FBXO10: variants seen among roughly 807,000 people sequenced by gnomAD.
FBXO10 encodes F-box protein 10.
A neutral mutation model predicts 80.7 loss-of-function variants in FBXO10; 39 were observed. That is an observed-to-expected ratio of 0.48 (90% CI 0.37 to 0.63). The LOEUF is 0.63. Ranked by LOEUF, FBXO10 falls within the 30% of genes least tolerant of loss-of-function variation. The pLI is 0.00. For synonymous variants in FBXO10, 449 were observed against 489.6 expected (o/e 0.92, Z 1.09); for missense variants, 1,025 against 1,269.0 (o/e 0.81, Z 2.92).
chr9:37,568,684 C>T (rs1822670756), intron 1 of FBXO10, among the ~76,000 whole-genome samples: 1 of 152,046 alleles, frequency 6.6e-6, no homozygotes, highest in Non-Finnish European at 1.5e-5. Flanking sequence ...GGTCTAAGGT[C>T]GGAGTTCACG....
At chr9:37,544,991 C>CAA (rs59952580) in intron 1 of FBXO10, among the ~76,000 whole-genome samples, 7,519 of 69,326 alleles carry the variant, frequency 0.11, 372 homozygotes, top group Non-Finnish European at 0.13. Flanking sequence ...GAGACTCTCT[C>CAA]AAAAAAAAAA....
intron 1 of FBXO10, among the ~76,000 whole-genome samples, chr9:37,564,796 G>A (rs1472013361): frequency 6.6e-6 from 1 of 152,192 alleles, no homozygotes; most frequent in Non-Finnish European, 1.5e-5. Context: ...AGGCTCATAG[G>A]CAGAAGGGAC....
chr9:37,553,774 G>T (rs1279713677), intron 1 of FBXO10, among the ~76,000 whole-genome samples: 1 of 151,178 alleles, frequency 6.6e-6, no homozygotes, highest in Non-Finnish European at 1.5e-5. Flanking sequence ...AATTAGCCAG[G>T]CGTGGTGGCA....
chr9:37,537,043 G>T, intron 3 of FBXO10, 67 bp downstream of exon 3: 1 of 1,185,158 alleles, frequency 8.4e-7, no homozygotes, highest in Non-Finnish European at 1.2e-6. Flanking sequence ...ATGCAAAATA[G>T]CCCCATCAAA....
chr9:37,561,173 CTTTT>C (rs78284002), intron 1 of FBXO10, among the ~76,000 whole-genome samples: 3 of 129,812 alleles, frequency 2.3e-5, no homozygotes, highest in East Asian at 2.1e-4. Context: ...ACAAAATCAA[CTTTT>C]TTTTTTTTTT....
At chr9:37,548,755 T>A (rs1481964032) in intron 1 of FBXO10, among the ~76,000 whole-genome samples, 1 of 152,156 alleles carries the variant, frequency 6.6e-6, no homozygotes, top group Non-Finnish European at 1.5e-5. Flanking sequence ...CAGATCCTTT[T>A]TTTTTTCTTT....
intron 1 of FBXO10, among the ~76,000 whole-genome samples, chr9:37,558,905 G>C (rs571587652): frequency 1.3e-4 from 19 of 151,992 alleles, no homozygotes; most frequent in African/African-American, 4.1e-4. Context: ...CCACCTCCCA[G>C]GTTTAACTGA....
At chr9:37,545,013 G>C (rs1224883085) in intron 1 of FBXO10, among the ~76,000 whole-genome samples, 1 of 115,038 alleles carries the variant, frequency 8.7e-6, no homozygotes, top group Non-Finnish European at 1.7e-5. Flanking sequence ...AAAAAAAAAA[G>C]AGAGAGAAAA....
At chr9:37,550,010 T>C (rs1822151088) in intron 1 of FBXO10, among the ~76,000 whole-genome samples, 2 of 152,076 alleles carry the variant, frequency 1.3e-5, no homozygotes, top group Admixed American at 1.3e-4. Context: ...CCAAGCCCAA[T>C]CAAAACTCAT....
chr9:37,514,474 A>AT (rs1236720547), intron 10 of FBXO10, among the ~76,000 whole-genome samples: 3 of 152,098 alleles, frequency 2.0e-5, no homozygotes, highest in Non-Finnish European at 2.9e-5. Flanking sequence ...ATACTTTAAA[A>AT]TTTTCTATTT....
intron 1 of FBXO10, among the ~76,000 whole-genome samples, chr9:37,575,812 C>A (rs1448351340): frequency 2.6e-5 from 4 of 152,282 alleles, no homozygotes; most frequent in African/African-American, 7.2e-5. Context: ...GGGTGCCCAG[C>A]CCCATATTTG....
At chr9:37,544,039 G>A (rs1221773679) in intron 1 of FBXO10, among the ~76,000 whole-genome samples, 1 of 152,208 alleles carries the variant, frequency 6.6e-6, no homozygotes, top group African/African-American at 2.4e-5. Flanking sequence ...TGCCGAGGCA[G>A]GTGGATCACT....
chr9:37,550,169 GTTTTTTTTTTTTTTT>G (rs74171511), intron 1 of FBXO10, among the ~76,000 whole-genome samples: 7 of 68,032 alleles, frequency 1.0e-4, no homozygotes, highest in South Asian at 5.3e-4. Context: ...GTCGTCTCAG[GTTTTTTTTTTTTTTT>G]TTTTTTTTTT....
intron 1 of FBXO10, among the ~76,000 whole-genome samples, chr9:37,561,685 T>C (rs544840307): frequency 6.6e-6 from 1 of 152,344 alleles, no homozygotes; most frequent in South Asian, 2.1e-4. Flanking sequence ...TGATTGCCTA[T>C]GTGCCAAGCA....
At chr9:37,543,303 C>T (rs576749763) in intron 1 of FBXO10, among the ~76,000 whole-genome samples, 37 of 152,238 alleles carry the variant, frequency 2.4e-4, no homozygotes, top group East Asian at 1.4e-3. Flanking sequence ...AAAGGATCCC[C>T]GACCTCTTGA....
intron 2 of FBXO10, among the ~76,000 whole-genome samples, chr9:37,538,374 G>T (rs2119117508): frequency 6.6e-6 from 1 of 152,296 alleles, no homozygotes; most frequent in Admixed American, 6.5e-5. Context: ...GAGGGGACAA[G>T]GTATACTGCC....
chr9:37,552,918 T>A (rs1822238592), intron 1 of FBXO10, among the ~76,000 whole-genome samples: 1 of 152,048 alleles, frequency 6.6e-6, no homozygotes. Context: ...CCTTATGACC[T>A]TTTACCTCCC....
At chr9:37,566,457 C>CG (rs71494671) in intron 1 of FBXO10, among the ~76,000 whole-genome samples, 1 of 123,146 alleles carries the variant, frequency 8.1e-6, no homozygotes, top group Non-Finnish European at 1.7e-5. Flanking sequence ...GACTCTGTCT[C>CG]GGAAAAAAAA....
rs567232563 is a variant in FBXO10, at chr9:37,512,736, C to T, written c.2697-15G>A. 1.0e-4 allele frequency: 168 copies of T among 1,609,634 alleles called. No individual in the cohort carries two copies. The highest frequency in any genetic ancestry group is 7.5e-4 in the South Asian group (68 of 90,454). On this transcript the variant is annotated splice_polypyrimidine_tract_variant and intron_variant, in intron 10 of 10. Coordinates refer to ENST00000432825, the MANE Select transcript of FBXO10 (RefSeq NM_012166.3). ...ACGTATCAGACCTGGAGGTGCAAAACGAAAGTCAGTGAACTTCTGAGGGGT... is the reference window on the plus strand; with the variant it reads ...ACGTATCAGACCTGGAGGTGCAAAATGAAAGTCAGTGAACTTCTGAGGGGT...
Sources: gnomAD v4.1 joint callset for allele counts (sites outside exome capture counted in the v4.1 genomes callset) on GRCh38, gnomAD v4.1.1 for gene constraint, MANE v1.5 for transcripts, NCBI Gene and HGNC (gene_info 2026-07-23, HGNC 2026-07-21) for gene names.